TRMT11: variants seen among roughly 807,000 people sequenced by gnomAD.
The protein encoded by TRMT11 is tRNA (guanine(10)-N(2))-methyltransferase TRMT11.
A neutral mutation model predicts 62.8 loss-of-function variants in TRMT11; 53 were observed. The ratio of observed to expected loss-of-function variants is 0.84; its 90% CI spans 0.68 to 1.06. TRMT11 has a LOEUF of 1.06. Among genes scored for constraint, TRMT11 ranks in the 50% least tolerant of loss-of-function variants. The probability of loss-of-function intolerance (pLI) is 0.00; values close to 1 mark genes in which losing one functional copy is unlikely to be tolerated. For missense variants in TRMT11, 556 were observed against 553.4 expected (o/e 1.00, Z -0.05); for synonymous variants, 188 against 190.3 (o/e 0.99, Z 0.10).
intron 1 of TRMT11, among the ~76,000 whole-genome samples, chr6:126,198,081 A>G (rs1032349457): frequency 6.6e-6 from 1 of 152,190 alleles, no homozygotes; most frequent in Non-Finnish European, 1.5e-5. Flanking sequence ...CGGTGGGAAC[A>G]TTTTAGACAT....
intron 21 of TRMT11, among the ~76,000 whole-genome samples, chr6:126,165,753 A>T (rs1778251337): frequency 6.6e-6 from 1 of 152,056 alleles, no homozygotes; most frequent in South Asian, 2.1e-4. Flanking sequence ...TCTGATGATT[A>T]TGTGTCTTGG....
chr6:126,219,545 C>T, the TRMT11 span, among the ~76,000 whole-genome samples: 4 of 152,172 alleles, frequency 2.6e-5, no homozygotes, highest in African/African-American at 9.7e-5. Flanking sequence ...CCCCAATTTA[C>T]ACCTTCCCGT....
chr6:126,018,990 C>T (rs1485199678), intron 11 of TRMT11, among the ~76,000 whole-genome samples: 1 of 152,118 alleles, frequency 6.6e-6, no homozygotes, highest in Non-Finnish European at 1.5e-5. Flanking sequence ...GAGCGATTCT[C>T]CTGCCTCAGC....
chr6:126,043,011 T>A (rs1346576142), downstream of TRMT11, among the ~76,000 whole-genome samples: 2 of 152,138 alleles, frequency 1.3e-5, no homozygotes, highest in African/African-American at 4.8e-5. Flanking sequence ...AAGAGCCAAA[T>A]TGCCTTTGCA....
chr6:126,070,489 T>TC (rs1399207324), intron 17 of TRMT11, among the ~76,000 whole-genome samples: 1 of 152,198 alleles, frequency 6.6e-6, no homozygotes, highest in Non-Finnish European at 1.5e-5. Context: ...ACTCATGAGA[T>TC]CAGAAACCTG....
chr6:126,053,317 AT>A (rs1378922021), intron 17 of TRMT11, among the ~76,000 whole-genome samples: 1 of 152,216 alleles, frequency 6.6e-6, no homozygotes, highest in Non-Finnish European at 1.5e-5. Flanking sequence ...ATGTTTTGAC[AT>A]CTGGGGCTTT....
chr6:126,081,527 A>G (rs1583869697), intron 17 of TRMT11, among the ~76,000 whole-genome samples: 1 of 152,162 alleles, frequency 6.6e-6, no homozygotes, highest in African/African-American at 2.4e-5. Flanking sequence ...CATAAACCCT[A>G]CAAAAATTCA....
intron 21 of TRMT11, among the ~76,000 whole-genome samples, chr6:126,162,288 A>G (rs1423501329): frequency 6.6e-6 from 1 of 152,220 alleles, no homozygotes; most frequent in Non-Finnish European, 1.5e-5. Context: ...TGGCAAAGCC[A>G]GATTTCCCAA....
intron 17 of TRMT11, among the ~76,000 whole-genome samples, chr6:126,093,526 C>T (rs1391529257): frequency 2.2e-5 from 3 of 139,004 alleles, no homozygotes; most frequent in Non-Finnish European, 4.6e-5. Context: ...TGGGGTGATG[C>T]TGCTTCAATC....
At chr6:126,112,888 G>C (rs1442194506) in exon 18 of TRMT11, among the ~76,000 whole-genome samples, 1 of 151,730 alleles carries the variant, frequency 6.6e-6, no homozygotes, top group Non-Finnish European at 1.5e-5. Flanking sequence ...AAGTCTCCTT[G>C]AATCAGTTTA....
chr6:126,067,300 A>C (rs767193792), intron 17 of TRMT11, among the ~76,000 whole-genome samples: 6 of 152,180 alleles, frequency 3.9e-5, no homozygotes, highest in Non-Finnish European at 7.3e-5. Context: ...CACCACTTAG[A>C]TCAAGAAATA....
intron 3 of TRMT11, among the ~76,000 whole-genome samples, chr6:126,201,397 C>A (rs1034320281): frequency 6.6e-6 from 1 of 152,190 alleles, no homozygotes; most frequent in Admixed American, 6.5e-5. Context: ...GGAACACAAT[C>A]TTTCATTTGT....
Position 126,064,888 on chromosome 6 carries a change from A to C in TRMT11, c.*1437+11698A>C, listed in dbSNP as rs555766202. Reference sequence around the variant, plus strand: ...TAGCAGCCTTGTTTTATGTTTGTTTAGTTAGAACCTTCTGGTGTGGAGCAA... The same window carrying C: ...TAGCAGCCTTGTTTTATGTTTGTTTCGTTAGAACCTTCTGGTGTGGAGCAA... On this transcript the variant is annotated intron_variant and NMD_transcript_variant, in intron 17 of 22. Coordinates refer to the TRMT11 transcript ENST00000648977. Among the ~76,000 whole-genome samples, 63 of 152,304 alleles carry C rather than the reference A, an allele frequency of 4.1e-4. 1 individual carries two copies. In the South Asian group the frequency reaches 0.012, roughly 30 times the overall value.
the TRMT11 span, among the ~76,000 whole-genome samples, chr6:126,231,168 T>C: frequency 2.6e-5 from 4 of 152,304 alleles, no homozygotes; most frequent in Admixed American, 2.6e-4. Context: ...TTTTTAAAAA[T>C]CTACTTGACA....
At chr6:126,067,943 C>G (rs1198952398) in intron 17 of TRMT11, among the ~76,000 whole-genome samples, 1 of 152,148 alleles carries the variant, frequency 6.6e-6, no homozygotes, top group Non-Finnish European at 1.5e-5. Flanking sequence ...TGTTTCCATG[C>G]CATACAATTC....
chr6:126,161,790 A>G (rs550582495), intron 21 of TRMT11, among the ~76,000 whole-genome samples: 2 of 152,280 alleles, frequency 1.3e-5, no homozygotes, highest in Non-Finnish European at 2.9e-5. Context: ...CTGGGGTGAG[A>G]TAGTATCTCA....
intron 17 of TRMT11, among the ~76,000 whole-genome samples, chr6:126,083,980 T>G (rs1211369662): frequency 6.6e-6 from 1 of 152,180 alleles, no homozygotes; most frequent in Non-Finnish European, 1.5e-5. Context: ...AGTTTCTTTT[T>G]CCATTTGTCC....
chr6:126,003,073 G>T (rs745787233), intron 7 of TRMT11, among the ~76,000 whole-genome samples: 1 of 151,944 alleles, frequency 6.6e-6, no homozygotes, highest in Non-Finnish European at 1.5e-5. Context: ...GTTGGACATC[G>T]GTAGTTTTCA....
At chr6:126,088,343 C>T (rs1222957025) in intron 17 of TRMT11, among the ~76,000 whole-genome samples, 3 of 152,100 alleles carry the variant, frequency 2.0e-5, no homozygotes, top group Non-Finnish European at 2.9e-5. Context: ...TTATGCCACA[C>T]CAGTGGTTTT....
Sources: allele counts gnomAD v4.1 joint callset (sites outside exome capture counted in the v4.1 genomes callset), GRCh38; gene constraint gnomAD v4.1.1; transcripts MANE v1.5; gene names NCBI Gene and HGNC (gene_info 2026-07-23, HGNC 2026-07-21).